ERG: variants seen among roughly 807,000 people sequenced by gnomAD.
ERG encodes ETS transcription factor ERG.
Under a neutral mutation model 55.3 loss-of-function variants are expected in ERG, and 9 were observed. The observed-to-expected ratio is 0.16, with a 90% CI of 0.10 to 0.28. ERG has a LOEUF of 0.28. ERG is among the 10% of genes least tolerant of loss of function. ERG has a pLI of 1.00. For synonymous variants in ERG, 223 were observed against 237.3 expected, an observed-to-expected ratio of 0.94 and a Z score of 0.55; for missense variants, 434 against 631.6, an observed-to-expected ratio of 0.69 and a Z score of 3.35.
chr21:38,620,848 C>T (rs1017612436), intron 1 of ERG, among the ~76,000 whole-genome samples: 16 of 152,216 alleles, frequency 1.1e-4, no homozygotes, highest in African/African-American at 3.9e-4. Flanking sequence ...GTCTAAAAAT[C>T]TTGGAAAGTA....
chr21:38,658,472 T>A lies in ERG; in HGVS notation c.-150+3186A>T, dbSNP rs551775873. Among the ~76,000 whole-genome samples, 186 of 152,346 alleles carry A rather than the reference T, an allele frequency of 1.2e-3. 1 individual carries two copies. Among genetic ancestry groups the A allele is most frequent in the African/African-American group, 3.9e-3 (162 of 41,586 alleles). ...CTTGCTATCGGTTTTTGCCTGGGAA[T>A]AGGAAACGATTCCAGAAACATTAGC... On this transcript the variant is annotated intron_variant, in intron 1 of 10. Transcript: ENST00000398910.
At chr21:38,609,901 T>C (rs1371106627) in intron 1 of ERG, among the ~76,000 whole-genome samples, 1 of 152,246 alleles carries the variant, frequency 6.6e-6, no homozygotes, top group Non-Finnish European at 1.5e-5. Flanking sequence ...TTAGCGTGTG[T>C]TGAATTTGGT....
chr21:38,409,693 T>C (rs1327328849), intron 3 of ERG, among the ~76,000 whole-genome samples: 3 of 152,056 alleles, frequency 2.0e-5, no homozygotes, highest in African/African-American at 7.2e-5. Context: ...GCATGAAATA[T>C]CTGACATGTT....
At position 38,619,505 on chromosome 21, in the gene ERG, T is replaced by G. The variant is rs539049857; in HGVS notation, c.-149-34560A>C. On this transcript the variant is annotated intron_variant, in intron 1 of 10. Coordinates refer to the ERG transcript ENST00000398910. ...TAAAACTGTGGCCCTTAGTCATTTATTTAAAGACCCCAAAAAAATGGCACA... is the reference window on the plus strand; with the variant it reads ...TAAAACTGTGGCCCTTAGTCATTTAGTTAAAGACCCCAAAAAAATGGCACA... 4.6e-5 allele frequency among the ~76,000 whole-genome samples: 7 copies of G among 152,352 alleles called. No homozygotes were observed. The South Asian group carries it at 1.4e-3, about 32-fold the overall frequency.
At chr21:38,635,289 C>A (rs776433074) in intron 1 of ERG, among the ~76,000 whole-genome samples, 12 of 152,046 alleles carry the variant, frequency 7.9e-5, no homozygotes, top group Non-Finnish European at 1.5e-4. Context: ...GTATAGCCTA[C>A]TGTAATAGTA....
At chr21:38,603,552 G>A (rs28637034) in intron 1 of ERG, among the ~76,000 whole-genome samples, 1 of 151,982 alleles carries the variant, frequency 6.6e-6, no homozygotes, top group South Asian at 2.1e-4. Flanking sequence ...TTCCACCTGT[G>A]AAAAGAAGTG....
At chr21:38,441,843 G>A (rs2836398) in intron 2 of ERG, among the ~76,000 whole-genome samples, 6,404 of 152,248 alleles carry the variant, frequency 0.042, 153 homozygotes, top group Middle Eastern at 0.11. Flanking sequence ...AAGGAGGCAC[G>A]TAGGCCTGGA....
intron 2 of ERG, among the ~76,000 whole-genome samples, chr21:38,555,099 G>T (rs2059849824): frequency 1.3e-5 from 2 of 152,112 alleles, no homozygotes; most frequent in African/African-American, 4.8e-5. Context: ...TGCTGAGGCG[G>T]GCGGATTACC....
In ERG at chr21:38,384,048, C is replaced by T; in HGVS notation, c.920-125G>A. Reference sequence around the variant, plus strand: ...CCACATTCCCTTCACCAGGCCTGTCCGTCCATCCCTCAGCTGCAGGGGTGC... The same window carrying T: ...CCACATTCCCTTCACCAGGCCTGTCTGTCCATCCCTCAGCTGCAGGGGTGC... On this transcript the variant is annotated intron_variant, in intron 9 of 9. Coordinates refer to ENST00000288319, the MANE Select transcript of ERG (RefSeq NM_182918.4). 29 of 1,292,750 alleles carry T rather than the reference C, an allele frequency of 2.2e-5. No individual in the cohort carries two copies. In the South Asian group the frequency reaches 3.3e-4, roughly 15 times the overall value. 80.1% of individuals were successfully genotyped at this position (1,292,750 alleles called of 1,614,324 possible).
Position 38,402,459 on chromosome 21 carries a change from T to C in ERG, c.673+98A>G, listed in dbSNP as rs922281206. ...TTCTGAATCATCTACCTGCGTTCTG[T>C]CTTCCTGGCACGCGCTGACTGGTTT... On this transcript the variant is annotated intron_variant, in intron 5 of 9. Coordinates refer to ENST00000288319, the MANE Select transcript of ERG (RefSeq NM_182918.4). 13 of 831,748 alleles carry C rather than the reference T, an allele frequency of 1.6e-5. No individual in the cohort carries two copies. The African/African-American group carries it at 1.9e-4, about 12-fold the overall frequency. The allele number at this position is 831,748 out of a possible 1,614,324, so 51.5% of individuals were successfully genotyped here.
At chr21:38,608,986 T>G (rs2060211050) in intron 1 of ERG, among the ~76,000 whole-genome samples, 1 of 152,226 alleles carries the variant, frequency 6.6e-6, no homozygotes, top group Non-Finnish European at 1.5e-5. Flanking sequence ...ACAGTGATAC[T>G]ACAGTCAAAC....
chr21:38,563,948 G>A (rs1254532836), intron 2 of ERG, among the ~76,000 whole-genome samples: 1 of 152,158 alleles, frequency 6.6e-6, no homozygotes, highest in Non-Finnish European at 1.5e-5. Flanking sequence ...GGGAGAGAGT[G>A]GTGTACAACG....
intron 1 of ERG, among the ~76,000 whole-genome samples, chr21:38,656,410 T>C (rs2060519301): frequency 6.6e-6 from 1 of 152,208 alleles, no homozygotes; most frequent in Non-Finnish European, 1.5e-5. Flanking sequence ...TCTCTTACTG[T>C]CCATCTTAGT....
At position 38,399,164 on chromosome 21, in the gene ERG, C is replaced by CCTCTGTCATGTAAA. The variant is rs1203449938; in HGVS notation, c.745+1409_745+1410insTTTACATGACAGAG. On this transcript the variant is annotated intron_variant, in intron 6 of 9. Transcript: ENST00000288319. ...ATGGCCTGTGAAATCTTTTACATGA[C>CCTCTGTCATGTAAA]AGAGATGACTTACTACCTCTTAGTA... Among the ~76,000 whole-genome samples, 84 of 152,276 alleles carry CCTCTGTCATGTAAA rather than the reference C, an allele frequency of 5.5e-4. 1 individual carries two copies. In the East Asian group the frequency reaches 9.7e-3, roughly 18 times the overall value.
chr21:38,523,695 G>T (rs2059611344), intron 2 of ERG, among the ~76,000 whole-genome samples: 1 of 152,176 alleles, frequency 6.6e-6, no homozygotes, highest in African/African-American at 2.4e-5. Context: ...TTTGCTACTG[G>T]ATTTCAATGT....
intron 8 of ERG, 103 bp downstream of exon 8, chr21:38,391,556 C>T (rs1387359887): frequency 3.0e-6 from 3 of 993,444 alleles, no homozygotes; most frequent in African/African-American, 3.2e-5. Context: ...CGAAAAGAGG[C>T]AAACAATCAT....
chr21:38,455,755 T>C (rs1175523354), intron 1 of ERG, among the ~76,000 whole-genome samples: 1 of 151,474 alleles, frequency 6.6e-6, no homozygotes, highest in Non-Finnish European at 1.5e-5. Flanking sequence ...TAGCTAATTT[T>C]CATCAGGTGT....
chr21:38,579,870 G>C (rs1022614865), intron 1 of ERG, among the ~76,000 whole-genome samples: 1 of 151,646 alleles, frequency 6.6e-6, no homozygotes, highest in Admixed American at 6.6e-5. Flanking sequence ...GCCCAGGCTG[G>C]AGTGCAGTGG....
At chr21:38,530,351 C>T (rs1349351918) in intron 2 of ERG, among the ~76,000 whole-genome samples, 1 of 152,096 alleles carries the variant, frequency 6.6e-6, no homozygotes, top group East Asian at 1.9e-4. Context: ...TGAGCCACTG[C>T]GTCCAGCAAG....
Sources: allele counts gnomAD v4.1 joint callset (sites outside exome capture counted in the v4.1 genomes callset), GRCh38; gene constraint gnomAD v4.1.1; transcripts MANE v1.5; gene names NCBI Gene and HGNC (gene_info 2026-07-23, HGNC 2026-07-21).